Variants in SH3RF3 observed in about 807,000 individuals in gnomAD.
SH3RF3 encodes the protein E3 ubiquitin-protein ligase SH3RF3.
In SH3RF3, 29 loss-of-function variants were observed where a neutral mutation model predicts 66.3. That is an observed-to-expected ratio of 0.44 (90% confidence interval 0.33 to 0.60). The LOEUF (loss-of-function observed/expected upper bound fraction) is 0.60. Among genes scored for constraint, SH3RF3 ranks in the 20% least tolerant of loss-of-function variants. SH3RF3 has a pLI of 0.04. For synonymous variants in SH3RF3, 583 were observed against 532.0 expected, an observed-to-expected ratio of 1.10 and a Z score of -1.32; for missense variants, 1,194 against 1,190.9, an observed-to-expected ratio of 1.00 and a Z score of -0.04.
chr2:109,454,479 T>C (rs1677980249), intron 8 of SH3RF3, among the ~76,000 whole-genome samples: 1 of 152,198 alleles, frequency 6.6e-6, no homozygotes, highest in African/African-American at 2.4e-5. Context: ...TCTGAGCCTC[T>C]TGCTGTCCCT....
At chr2:109,242,147 G>A (rs1449120126) in intron 1 of SH3RF3, among the ~76,000 whole-genome samples, 3 of 152,090 alleles carry the variant, frequency 2.0e-5, no homozygotes, top group African/African-American at 7.2e-5. Flanking sequence ...GGCTCCCTGA[G>A]GAATCACTTC....
intron 9 of SH3RF3, among the ~76,000 whole-genome samples, chr2:109,492,416 G>A (rs913817181): frequency 1.3e-5 from 2 of 152,090 alleles, no homozygotes; most frequent in Non-Finnish European, 2.9e-5. Context: ...CAGTGAGAAC[G>A]GAAGTCGCAT....
chr2:109,350,233 ACCAT>A (rs1233697416), intron 2 of SH3RF3, among the ~76,000 whole-genome samples: 1 of 152,184 alleles, frequency 6.6e-6, no homozygotes, highest in Non-Finnish European at 1.5e-5. Context: ...GGGCAATGTC[ACCAT>A]GGCTGCCCAG....
At chr2:109,345,023 A>G (rs1291692045) in intron 1 of SH3RF3, among the ~76,000 whole-genome samples, 1 of 152,132 alleles carries the variant, frequency 6.6e-6, no homozygotes, top group Non-Finnish European at 1.5e-5. Context: ...CACAGTGCTG[A>G]TACCAGTGAG....
chr2:109,501,413 C>T (rs962021108), intron 9 of SH3RF3, 90 bp from the exon 10 acceptor site: 2 of 600,358 alleles, frequency 3.3e-6, no homozygotes, highest in Middle Eastern at 2.6e-4. Flanking sequence ...CAGCAAATAA[C>T]AATAATTTAC....
At chr2:109,489,378 G>A (rs773806710) in intron 8 of SH3RF3, among the ~76,000 whole-genome samples, 3 of 152,244 alleles carry the variant, frequency 2.0e-5, no homozygotes, top group Non-Finnish European at 4.4e-5. Flanking sequence ...GGCCTGGGGG[G>A]ACTTGGCTGG....
chr2:109,226,963 A>C (rs1005199784), intron 1 of SH3RF3, among the ~76,000 whole-genome samples: 1 of 152,220 alleles, frequency 6.6e-6, no homozygotes, highest in African/African-American at 2.4e-5. Flanking sequence ...TTCATGGCTC[A>C]GATGATGCCA....
intron 2 of SH3RF3, among the ~76,000 whole-genome samples, chr2:109,348,181 G>A (rs1682760488): frequency 6.6e-6 from 1 of 152,200 alleles, no homozygotes; most frequent in South Asian, 2.1e-4. Flanking sequence ...CACAGCTCCA[G>A]CCCAGAGCTA....
Position 109,398,678 on chromosome 2 carries a change from C to G in SH3RF3, c.1034C>G (p.Ser345Cys). ...SSCNASLPSD[S>C]GAVASVAPSP... ...TGCAATGCCTCCCTGCCCTCTGACT[C>G]CGGCGCTGTGGCCAGCGTGGCCCCA... Residue 345 changes from serine (S) to cysteine (C), a missense_variant, in exon 4 of 10, where the codon TCC becomes TGC. Ser to Cys is a moderately radical substitution (Grantham distance 112, BLOSUM62 -1). Transcript: ENST00000309415. 3 of 1,609,706 alleles carry G rather than the reference C, an allele frequency of 1.9e-6. No homozygotes were observed. The highest frequency in any genetic ancestry group is 2.5e-6 in the Non-Finnish European group (3 of 1,178,296).
At chr2:109,462,540 AC>A (rs1467535474) in intron 8 of SH3RF3, among the ~76,000 whole-genome samples, 2 of 151,798 alleles carry the variant, frequency 1.3e-5, no homozygotes, top group African/African-American at 2.4e-5. Context: ...GAGAATCACC[AC>A]CCCTGTATCC....
chr2:109,429,460 T>G (rs1573244338), intron 5 of SH3RF3, among the ~76,000 whole-genome samples: 1 of 152,216 alleles, frequency 6.6e-6, no homozygotes, highest in Non-Finnish European at 1.5e-5. Context: ...AACTTAAAAT[T>G]TAAGATGAAG....
At chr2:109,162,333 C>A (rs972523507) in intron 1 of SH3RF3, among the ~76,000 whole-genome samples, 1 of 152,208 alleles carries the variant, frequency 6.6e-6, no homozygotes, top group Non-Finnish European at 1.5e-5. Context: ...TGCTCTGACA[C>A]GTAAGCCCTC....
intron 1 of SH3RF3, among the ~76,000 whole-genome samples, chr2:109,248,688 G>T (rs955205541): frequency 1.3e-5 from 2 of 152,032 alleles, no homozygotes; most frequent in African/African-American, 4.8e-5. Context: ...ATGAAGTACT[G>T]CATTTCTTTC....
intron 1 of SH3RF3, among the ~76,000 whole-genome samples, chr2:109,239,900 T>C (rs759969873): frequency 4.6e-5 from 7 of 152,050 alleles, no homozygotes; most frequent in Non-Finnish European, 8.8e-5. Flanking sequence ...AGGTGAGGAG[T>C]CACTCAATCA....
chr2:109,490,633 T>G lies in SH3RF3; in HGVS notation c.2177T>G (p.Leu726Arg), dbSNP rs1167989511. 1 of 1,482,702 alleles carries G rather than the reference T, an allele frequency of 6.7e-7. No homozygotes were observed. Among genetic ancestry groups the G allele is most frequent in the Admixed American group, 2.2e-5 (1 of 44,994 alleles). The allele number at this position is 1,482,702 out of a possible 1,614,324, so 91.8% of individuals were successfully genotyped here. A position where few individuals can be genotyped will look rare whatever the true frequency, so the allele number is the denominator to read the frequency against. The change falls in exon 9 of 10, where the codon CTT becomes CGT. Residue 726 changes from leucine (L) to arginine (R), a missense_variant. Leu to Arg is a moderately radical substitution (Grantham distance 102). Coordinates refer to ENST00000309415, the MANE Select transcript of SH3RF3 (RefSeq NM_001099289.3). ...GAGAAGAAGAGTGGGCTCCTGAAGC[T>G]TCTAGCCGGAGCATCCACCAAGAAG... is the stretch of plus-strand genomic sequence containing the variant. ...KKEKKSGLLK[L>R]LAGASTKKKS...
At chr2:109,176,870 G>A (rs71425241) in intron 1 of SH3RF3, among the ~76,000 whole-genome samples, 5,280 of 152,272 alleles carry the variant, frequency 0.035, 133 homozygotes, top group Non-Finnish European at 0.053. Context: ...GTGTATTTAG[G>A]GGAGAAAGAT....
In SH3RF3 at chr2:109,419,631, G is replaced by T; in HGVS notation, c.1392G>T (p.Leu464=). Residue 464 remains leucine (L), a synonymous_variant, in exon 5 of 10, where the codon CTG becomes CTT. Transcript: ENST00000309415. ...AGGGCACGCCTCCCAAGGTCCAGCT[G>T]CCCCTCAACGTGTGAGCTGCCCTTT... ...GEQGTPPKVQ[L]PLNVYLALYA... The T allele has an allele frequency of 5.1e-6, 8 of 1,579,568 alleles. No homozygotes were observed. The highest frequency in any genetic ancestry group is 6.9e-6 in the Non-Finnish European group (8 of 1,164,444).
In SH3RF3 at chr2:109,129,996, C is replaced by CG; in HGVS notation, c.461dup (p.Gly155ArgfsTer58). On this transcript the variant is annotated frameshift_variant, in exon 1 of 10. Transcript: ENST00000309415. LOFTEE classifies it high-confidence loss of function. ...GTGCGGCCCCCACGCTCGCGGGCGGCGGGGGCGGCGCGGCAGGCAGCACCC... is the reference window on the plus strand; with the variant it reads ...GTGCGGCCCCCACGCTCGCGGGCGGCGGGGGGCGGCGCGGCAGGCAGCACCC... 7.7e-7 allele frequency: 1 copy of CG among 1,294,074 alleles called. No homozygotes were observed. Among genetic ancestry groups the CG allele is most frequent in the South Asian group, 2.4e-5 (1 of 41,172 alleles). The allele number at this position is 1,294,074 out of a possible 1,614,324, so 80.2% of individuals were successfully genotyped here.
intron 1 of SH3RF3, among the ~76,000 whole-genome samples, chr2:109,326,911 C>T (rs958221916): frequency 6.6e-6 from 1 of 152,238 alleles, no homozygotes; most frequent in Non-Finnish European, 1.5e-5. Flanking sequence ...CCTGAGCACG[C>T]TGGCTCTACC....
Sources: gnomAD v4.1 joint callset for allele counts (sites outside exome capture counted in the v4.1 genomes callset) on GRCh38, gnomAD v4.1.1 for gene constraint, MANE v1.5 for transcripts, NCBI Gene and HGNC (gene_info 2026-07-23, HGNC 2026-07-21) for gene names.